Variants in QTMAN observed in about 807,000 individuals in gnomAD.
QTMAN encodes the protein tRNA-queuosine alpha-mannosyltransferase.
At chr2:144,201,621 A>G in the QTMAN span, among the ~76,000 whole-genome samples, 3 of 152,224 alleles carry the variant, frequency 2.0e-5, no homozygotes, top group Admixed American at 6.5e-5. Context: ...TGCTAGCGCC[A>G]TATGTCCATG....
the QTMAN span, among the ~76,000 whole-genome samples, chr2:144,225,935 T>C: frequency 6.6e-6 from 1 of 152,220 alleles, no homozygotes; most frequent in East Asian, 1.9e-4. Flanking sequence ...TTGTAACTAC[T>C]CATAACCCAG....
chr2:144,236,197 G>A, the QTMAN span, among the ~76,000 whole-genome samples: 4 of 152,080 alleles, frequency 2.6e-5, no homozygotes, highest in Admixed American at 2.0e-4. Flanking sequence ...ACATCTCAGA[G>A]GCAGGTTGGA....
At chr2:144,045,507 G>A in the QTMAN span, among the ~76,000 whole-genome samples, 2 of 152,240 alleles carry the variant, frequency 1.3e-5, no homozygotes, top group South Asian at 2.1e-4. Context: ...CAACTAGAAG[G>A]CATAATGCAG....
the QTMAN span, among the ~76,000 whole-genome samples, chr2:144,143,793 G>C: frequency 6.6e-6 from 1 of 151,900 alleles, no homozygotes; most frequent in Admixed American, 6.6e-5. Flanking sequence ...ATAAGTCAGA[G>C]GGTTAGTGAA....
the QTMAN span, among the ~76,000 whole-genome samples, chr2:143,972,780 A>G: frequency 3.9e-5 from 6 of 152,152 alleles, no homozygotes; most frequent in African/African-American, 1.4e-4. Context: ...TTCATTCCCA[A>G]AGTTATCTGT....
the QTMAN span, among the ~76,000 whole-genome samples, chr2:144,253,239 C>T: frequency 1.3e-5 from 2 of 152,194 alleles, no homozygotes; most frequent in African/African-American, 4.8e-5. Context: ...CCATGCAGAA[C>T]AGTGAGTCAA....
At chr2:144,137,670 A>C in the QTMAN span, among the ~76,000 whole-genome samples, 2 of 152,038 alleles carry the variant, frequency 1.3e-5, no homozygotes, top group Non-Finnish European at 2.9e-5. Context: ...AAGACATATA[A>C]CTTCTCTGGG....
the QTMAN span, among the ~76,000 whole-genome samples, chr2:144,164,967 C>T: frequency 2.6e-5 from 4 of 152,104 alleles, no homozygotes; most frequent in Non-Finnish European, 5.9e-5. Flanking sequence ...TGATATGCTG[C>T]TTTGGTGCTA....
chr2:144,175,186 G>A, the QTMAN span, among the ~76,000 whole-genome samples: 1 of 152,042 alleles, frequency 6.6e-6, no homozygotes, highest in East Asian at 1.9e-4. Context: ...AGATAATGTT[G>A]ATTAAAATAA....
chr2:144,088,827 G>A, the QTMAN span, among the ~76,000 whole-genome samples: 1 of 151,952 alleles, frequency 6.6e-6, no homozygotes, highest in South Asian at 2.1e-4. Flanking sequence ...AAGACAAAAT[G>A]GATTAAAGAT....
At chr2:144,064,060 C>T in the QTMAN span, among the ~76,000 whole-genome samples, 1 of 151,976 alleles carries the variant, frequency 6.6e-6, no homozygotes, top group Non-Finnish European at 1.5e-5. Context: ...AGTCTTCGAG[C>T]ATAAATAATA....
the QTMAN span, among the ~76,000 whole-genome samples, chr2:144,024,957 C>A: frequency 3.9e-5 from 6 of 152,102 alleles, no homozygotes; most frequent in Middle Eastern, 3.2e-3. Flanking sequence ...AAATTAGAAT[C>A]CTTCTATCAC....
At chr2:144,001,705 T>C in the QTMAN span, among the ~76,000 whole-genome samples, 1 of 151,896 alleles carries the variant, frequency 6.6e-6, no homozygotes, top group East Asian at 1.9e-4. Context: ...TCTTATATCA[T>C]AGATCTGTAT....
the QTMAN span, among the ~76,000 whole-genome samples, chr2:144,054,358 A>G: frequency 6.6e-6 from 1 of 152,180 alleles, no homozygotes; most frequent in Non-Finnish European, 1.5e-5. Context: ...CTACTTTCCC[A>G]TAGACCTCTG....
chr2:143,975,348 T>C, the QTMAN span, among the ~76,000 whole-genome samples: 3 of 152,220 alleles, frequency 2.0e-5, no homozygotes, highest in African/African-American at 7.2e-5. Context: ...CATAACTTCA[T>C]ACATATTGAA....
the QTMAN span, among the ~76,000 whole-genome samples, chr2:144,071,752 C>T: frequency 6.6e-6 from 1 of 152,170 alleles, no homozygotes; most frequent in Non-Finnish European, 1.5e-5. Flanking sequence ...ACTCTGTCCT[C>T]CTGCCTTGGA....
At chr2:144,133,446 TATAATATATA>T in the QTMAN span, among the ~76,000 whole-genome samples, 2,013 of 45,278 alleles carry the variant, frequency 0.044, 51 homozygotes, top group East Asian at 0.12. Context: ...ATATATAATA[TATAATATATA>T]ATATATATTA....
At chr2:144,332,518 TCCCCCGCGGCCGCCGCGGATGCCGCCGC>T in the QTMAN span, 1 of 146,952 alleles carries the variant, frequency 6.8e-6, no homozygotes, top group South Asian at 2.1e-4. Context: ...GCCGTGCCCC[TCCCCCGCGGCCGCCGCGGATGCCGCCGC>T]CCCTCCCGGC....
the QTMAN span, among the ~76,000 whole-genome samples, chr2:144,222,448 AT>A: frequency 1.3e-5 from 2 of 152,006 alleles, no homozygotes; most frequent in Non-Finnish European, 2.9e-5. Context: ...GAAATATTTA[AT>A]TAAGGTGAAG....
Sources: allele counts gnomAD v4.1 joint callset (sites outside exome capture counted in the v4.1 genomes callset), GRCh38; gene constraint gnomAD v4.1.1; transcripts MANE v1.5; gene names NCBI Gene and HGNC (gene_info 2026-07-23, HGNC 2026-07-21).